The following PANK2 variants were observed in gnomAD, a reference collection of about 807,000 sequenced individuals.
PANK2 encodes the protein pantothenate kinase 2.
Under a neutral mutation model 43.1 loss-of-function variants are expected in PANK2, and 36 were observed. The observed-to-expected ratio is 0.84, with a 90% CI of 0.64 to 1.10. The LOEUF (loss-of-function observed/expected upper bound fraction) is 1.10, where lower values mean the gene tolerates loss of function less well. Among genes scored for constraint, PANK2 ranks in the 50% least tolerant of loss-of-function variants. The pLI, the probability that PANK2 is intolerant of heterozygous loss-of-function variation, is 0.00. For synonymous variants in PANK2, 281 were observed against 238.2 expected, an observed-to-expected ratio of 1.18 and a Z score of -1.66; for missense variants, 576 against 593.3, an observed-to-expected ratio of 0.97 and a Z score of 0.30.
rs1360648636 is a variant in PANK2, at chr20:3,910,628, G to A, written c.703G>A (p.Gly235Arg). 1.2e-6 allele frequency: 2 copies of A among 1,614,102 alleles called. No homozygotes were observed. Among genetic ancestry groups the A allele is most frequent in the Non-Finnish European group, 8.5e-7 (1 of 1,180,022 alleles). The change falls in exon 3 of 7, where the codon GGA becomes AGA. Residue 235 changes from glycine to arginine, a missense_variant. By Grantham distance (125) the Gly-to-Arg change is moderately radical. Transcript: ENST00000610179. ...GGATGAACTAGATTGCTTGATCAAA[G>A]GAATTTTATACATTGACTCAGTCGG...
chr20:3,910,610 C>G lies in PANK2; in HGVS notation c.685C>G (p.Leu229Val), dbSNP rs1600541877. 6.2e-7 allele frequency: 1 copy of G among 1,614,056 alleles called. No homozygotes were observed. Among genetic ancestry groups the G allele is most frequent in the Non-Finnish European group, 8.5e-7 (1 of 1,179,992 alleles). ...TCTTCAGCTTTGCAAACTGGATGAA[C>G]TAGATTGCTTGATCAAAGGAATTTT... The change falls in exon 3 of 7, where the codon CTA (leucine) becomes GTA (valine). Residue 229 changes from leucine to valine, a missense_variant. Coordinates refer to ENST00000610179, the MANE Select transcript of PANK2 (RefSeq NM_001386393.1).
Position 3,908,067 on chromosome 20 carries a change from C to T in PANK2, c.440C>T (p.Ala147Val), listed in dbSNP as rs764048757. ...CGGAAGTACCTGACCTCCAATGTGG[C>T]TTATGGGTCTACAGGCATTCGGGAC... The change falls in exon 2 of 7, where the codon GCT (alanine) becomes GTT (valine). Residue 147 changes from alanine to valine, a missense_variant. By Grantham distance (64) the Ala-to-Val change is moderately conservative. Coordinates refer to ENST00000610179, the MANE Select transcript of PANK2 (RefSeq NM_001386393.1). 6.2e-7 allele frequency: 1 copy of T among 1,614,158 alleles called. No individual in the cohort carries two copies. The highest frequency in any genetic ancestry group is 1.1e-5 in the South Asian group (1 of 91,088).
In PANK2 at chr20:3,924,262, C is replaced by G. The variant is rs2090689530; in HGVS notation, c.*968C>G. 6.6e-6 allele frequency: 1 copy of G among 152,242 alleles called. No individual in the cohort carries two copies. The highest frequency in any genetic ancestry group is 1.5e-5 in the Non-Finnish European group (1 of 68,092). The allele number at this position is 152,242 out of a possible 1,614,324, so 9.4% of individuals were successfully genotyped here. On this transcript the variant is annotated 3_prime_UTR_variant, in exon 7 of 7. Coordinates refer to ENST00000610179, the MANE Select transcript of PANK2 (RefSeq NM_001386393.1). Reference sequence around the variant, plus strand: ...TGCAGAATAATTTCAAAAGCCTTTCCCAAGGAGAGAATGCACCTTTTATAT... The same window carrying G: ...TGCAGAATAATTTCAAAAGCCTTTCGCAAGGAGAGAATGCACCTTTTATAT...
intron 6 of PANK2, among the ~76,000 whole-genome samples, chr20:3,921,079 C>T (rs1187660439): frequency 6.6e-6 from 1 of 151,934 alleles, no homozygotes; most frequent in Non-Finnish European, 1.5e-5. Flanking sequence ...TATTTAAGTT[C>T]TAGGATACAT....
intron 4 of PANK2, among the ~76,000 whole-genome samples, chr20:3,914,192 T>A (rs989543869): frequency 6.6e-6 from 1 of 152,064 alleles, no homozygotes; most frequent in Non-Finnish European, 1.5e-5. Flanking sequence ...TACACTGTTT[T>A]CCAAAGTGGC....
At chr20:3,889,774 T>G (rs772845107) in intron 1 of PANK2, 46 bp downstream of exon 1, 1 of 1,288,442 alleles carries the variant, frequency 7.8e-7, no homozygotes, top group Middle Eastern at 2.3e-4. Flanking sequence ...TGCCCCCCCT[T>G]CCGGCCCACC....
At position 3,927,713 on chromosome 20, in the gene PANK2, C is replaced by G. The variant is rs758070512; in HGVS notation, c.*4419C>G. 2 of 152,262 alleles carry G rather than the reference C, an allele frequency of 1.3e-5. No homozygotes were observed. Among genetic ancestry groups the G allele is most frequent in the Non-Finnish European group, 2.9e-5 (2 of 68,088 alleles). The allele number at this position is 152,262 out of a possible 1,614,324, so 9.4% of individuals were successfully genotyped here. A position where few individuals can be genotyped will look rare whatever the true frequency, so the allele number is the denominator to read the frequency against. On this transcript the variant is annotated 3_prime_UTR_variant, in exon 7 of 7. Transcript: ENST00000610179. ...ACACTTGCCACACCTGCTCCCCCGA[C>G]CGGGGGCCTGGGAGGGAAGGGCAGA...
intron 1 of PANK2, among the ~76,000 whole-genome samples, chr20:3,901,212 A>G (rs2090295740): frequency 6.6e-6 from 1 of 151,832 alleles, no homozygotes; most frequent in South Asian, 2.1e-4. Flanking sequence ...GCACGTGATC[A>G]TACCTAAATT....
chr20:3,915,487 A>C (rs6116101), intron 4 of PANK2, among the ~76,000 whole-genome samples: 1,739 of 151,968 alleles, frequency 0.011, 40 homozygotes, highest in African/African-American at 0.04. Flanking sequence ...TAGTAGAGAC[A>C]GGGTTTCACC....
At chr20:3,901,284 G>A (rs2090297042) in intron 1 of PANK2, among the ~76,000 whole-genome samples, 1 of 152,104 alleles carries the variant, frequency 6.6e-6, no homozygotes, top group Non-Finnish European at 1.5e-5. Flanking sequence ...CTGGCCTCAA[G>A]TGATCCACCC....
chr20:3,928,035 C>T lies in PANK2; in HGVS notation c.*4741C>T, dbSNP rs2146917058. On this transcript the variant is annotated 3_prime_UTR_variant, in exon 7 of 7. Coordinates refer to ENST00000610179, the MANE Select transcript of PANK2 (RefSeq NM_001386393.1). ...TGATATCCCCACTCAAATGGAAGCA[C>T]ACTCCCCAGCACATGGGGATCCCTT... The T allele has an allele frequency of 6.6e-6, 1 of 152,290 alleles. No individual in the cohort carries two copies. The highest frequency in any genetic ancestry group is 2.1e-4 in the South Asian group (1 of 4,828). The allele number at this position is 152,290 out of a possible 1,614,324, so 9.4% of individuals were successfully genotyped here. A position where few individuals can be genotyped will look rare whatever the true frequency, so the allele number is the denominator to read the frequency against.
chr20:3,929,034 A>AGG lies in PANK2; in HGVS notation c.*5744_*5745dup, dbSNP rs2090776858. On this transcript the variant is annotated 3_prime_UTR_variant, in exon 7 of 7. Transcript: ENST00000610179. ...CGGCAAATTTTTGTATTTTTAGTAGAGGGGGTTTCACCATATTGGTCAGGC... is the reference window on the plus strand; with the variant it reads ...CGGCAAATTTTTGTATTTTTAGTAGAGGGGGGGTTTCACCATATTGGTCAGGC... 6.6e-6 allele frequency: 1 copy of AGG among 151,938 alleles called. No individual in the cohort carries two copies. Among genetic ancestry groups the AGG allele is most frequent in the Non-Finnish European group, 1.5e-5 (1 of 68,044 alleles). The allele number at this position is 151,938 out of a possible 1,614,324, so 9.4% of individuals were successfully genotyped here.
At chr20:3,921,608 G>C (rs1234984526) in intron 6 of PANK2, 2 of 152,152 alleles carry the variant, frequency 1.3e-5, no homozygotes, top group African/African-American at 4.8e-5. Flanking sequence ...CTGTATTTCA[G>C]CTGTGCCTTG....
At position 3,910,304 on chromosome 20, in the gene PANK2, T is replaced by TTG. The variant is rs1555788175; in HGVS notation, c.652-272_652-271insGT. ...GTTGATAAATGCTGTGGTTTTTTTT[T>TTG]TTTGTTTTTTTTGTTTTTTTTTTGG... On this transcript the variant is annotated intron_variant, in intron 2 of 6. Coordinates refer to ENST00000610179, the MANE Select transcript of PANK2 (RefSeq NM_001386393.1). 4.2e-4 allele frequency among the ~76,000 whole-genome samples: 64 copies of TTG among 151,034 alleles called. No homozygotes were observed. In the Middle Eastern group the frequency reaches 0.027, roughly 64 times the overall value.
At chr20:3,891,947 C>A (rs538737120) in intron 1 of PANK2, among the ~76,000 whole-genome samples, 1 of 152,358 alleles carries the variant, frequency 6.6e-6, no homozygotes, top group African/African-American at 2.4e-5. Context: ...GAAAACCCAT[C>A]TTTCCAGTAT....
chr20:3,895,933 T>C (rs2090199655), intron 1 of PANK2, among the ~76,000 whole-genome samples: 2 of 152,234 alleles, frequency 1.3e-5, no homozygotes, highest in South Asian at 4.1e-4. Context: ...CTTTCAATGT[T>C]AGGCCAAGAT....
chr20:3,906,529 T>C (rs1003835734), intron 1 of PANK2, among the ~76,000 whole-genome samples: 8 of 152,198 alleles, frequency 5.3e-5, no homozygotes, highest in East Asian at 3.8e-4. Context: ...AGAACCCTTA[T>C]ATTAGCCTAC....
At chr20:3,917,188 C>T in intron 5 of PANK2, 138 bp downstream of exon 5, 2 of 974,962 alleles carry the variant, frequency 2.1e-6, no homozygotes, top group Admixed American at 2.4e-5. Context: ...AGTTAAAACT[C>T]TTCAAATACA....
intron 1 of PANK2, among the ~76,000 whole-genome samples, chr20:3,904,127 G>A (rs891065938): frequency 6.6e-6 from 1 of 151,890 alleles, no homozygotes; most frequent in African/African-American, 2.4e-5. Flanking sequence ...CATATAAATG[G>A]AATAATATAG....
Sources: allele counts gnomAD v4.1 joint callset (sites outside exome capture counted in the v4.1 genomes callset), GRCh38; gene constraint gnomAD v4.1.1; transcripts MANE v1.5; gene names NCBI Gene and HGNC (gene_info 2026-07-23, HGNC 2026-07-21).